PDE4D: variants seen among roughly 807,000 people sequenced by gnomAD.
The protein encoded by PDE4D is 3',5'-cyclic-AMP phosphodiesterase 4D.
In PDE4D, 24 loss-of-function variants were observed where a neutral mutation model predicts 87.4. The ratio of observed to expected loss-of-function variants is 0.27; its 90% CI spans 0.20 to 0.39. The LOEUF (loss-of-function observed/expected upper bound fraction) is 0.39. Among genes scored for constraint, PDE4D ranks in the 10% least tolerant of loss-of-function variants. PDE4D has a pLI of 1.00. For synonymous variants in PDE4D, 384 were observed against 383.2 expected (o/e 1.00, Z -0.02); for missense variants, 714 against 1,041.0 (o/e 0.69, Z 4.32).
At chr5:60,497,695 G>C (rs1583938765) in intron 1 of PDE4D, among the ~76,000 whole-genome samples, 1 of 152,048 alleles carries the variant, frequency 6.6e-6, no homozygotes. Context: ...GAGTCATGGG[G>C]CACACCAGCC....
chr5:59,417,272 G>A (rs900149598), intron 1 of PDE4D, among the ~76,000 whole-genome samples: 2 of 152,052 alleles, frequency 1.3e-5, no homozygotes, highest in Non-Finnish European at 2.9e-5. Context: ...TGCTCACACC[G>A]ATAAGGCAAA....
chr5:60,337,322 G>C (rs1354773064), intron 1 of PDE4D, among the ~76,000 whole-genome samples: 1 of 138,928 alleles, frequency 7.2e-6, no homozygotes, highest in Non-Finnish European at 1.6e-5. Context: ...AACAGAGAGA[G>C]ACTTTGTCTC....
chr5:59,193,853 G>T (rs1420693785), intron 2 of PDE4D: 3 of 898,050 alleles, frequency 3.3e-6, no homozygotes, highest in Non-Finnish European at 4.0e-6. Flanking sequence ...TTTACTTTTG[G>T]CCTCTTACTG....
At chr5:59,243,448 C>CA (rs1758097980) in intron 1 of PDE4D, among the ~76,000 whole-genome samples, 1 of 72,282 alleles carries the variant, frequency 1.4e-5, no homozygotes, top group Non-Finnish European at 2.6e-5. Flanking sequence ...TTAAAATAAC[C>CA]TTTTTTTTTT....
chr5:59,391,738 C>T (rs796194078), intron 1 of PDE4D, among the ~76,000 whole-genome samples: 2 of 152,096 alleles, frequency 1.3e-5, no homozygotes, highest in African/African-American at 4.8e-5. Context: ...CTTACTGTCC[C>T]TCCATGATGG....
Position 59,156,309 on chromosome 5 carries a change from G to GA in PDE4D, c.808+24285dup, listed in dbSNP as rs138297866. Among the ~76,000 whole-genome samples, 182 of 52,832 alleles carry GA rather than the reference G, an allele frequency of 3.4e-3. 3 individuals are homozygous for GA. The highest frequency in any genetic ancestry group is 7.9e-3 in the South Asian group (17 of 2,144). The allele number at this position is 52,832 out of a possible 152,430, so 34.7% of individuals were successfully genotyped here. A position where few individuals can be genotyped will look rare whatever the true frequency, so the allele number is the denominator to read the frequency against. On this transcript the variant is annotated intron_variant, in intron 5 of 14. Transcript: ENST00000340635. ...AAATCCCTGAACTAGAGACTTGCCA[G>GA]AAAAAAAAAAAATATATATATATGT...
rs55960957 is a variant in PDE4D at position 59,420,689 on chromosome 5, GAAA to G, written c.456-204724_456-204722del. On this transcript the variant is annotated intron_variant, in intron 1 of 14. Coordinates refer to ENST00000340635, the MANE Select transcript of PDE4D (RefSeq NM_001104631.2). ...TCATAGCCACTGGATTACTGCACAA[GAAA>G]AAAAAAAAAAAAAACAAGAAAAGAA... is the stretch of plus-strand genomic sequence containing the variant. 1.2e-3 allele frequency among the ~76,000 whole-genome samples: 146 copies of G among 122,004 alleles called. 2 individuals carry two copies. In the East Asian group the frequency reaches 0.026, roughly 22 times the overall value. 80.0% of individuals were successfully genotyped at this position (122,004 alleles called of 152,430 possible).
intron 1 of PDE4D, among the ~76,000 whole-genome samples, chr5:60,464,615 T>C (rs1747203766): frequency 6.6e-6 from 1 of 152,162 alleles, no homozygotes; most frequent in Non-Finnish European, 1.5e-5. Flanking sequence ...TCCTGTGTTA[T>C]TCCCACAGAT....
In PDE4D at chr5:59,875,460, CAAAAAAAAAAAAAAAAAAA is replaced by C. The variant is rs3062667; in HGVS notation, c.455+17689_455+17707del. On this transcript the variant is annotated intron_variant, in intron 1 of 14. Coordinates refer to ENST00000340635, the MANE Select transcript of PDE4D (RefSeq NM_001104631.2). ...TCGTGACCAAGTGAGACCTCCGTCTCAAAAAAAAAAAAAAAAAAAAAAAAAAAAAAGAAGGAATCTGTAT... is the reference window on the plus strand; with the variant it reads ...TCGTGACCAAGTGAGACCTCCGTCTCAAAAAAAAAAAGAAGGAATCTGTAT... Among the ~76,000 whole-genome samples the C allele has an allele frequency of 7.6e-5, 3 of 39,688 alleles. No individual in the cohort carries two copies. In the East Asian group the frequency reaches 6.1e-3, roughly 81 times the overall value. The allele number at this position is 39,688 out of a possible 152,430, so 26.0% of individuals were successfully genotyped here.
At chr5:60,109,127 T>C (rs1777384399) in intron 2 of PDE4D, among the ~76,000 whole-genome samples, 1 of 151,522 alleles carries the variant, frequency 6.6e-6, no homozygotes, top group Admixed American at 6.6e-5. Flanking sequence ...AAAGGGCTAA[T>C]ATCCAGAATC....
intron 1 of PDE4D, among the ~76,000 whole-genome samples, chr5:59,880,518 T>A (rs998857309): frequency 6.6e-6 from 1 of 152,208 alleles, no homozygotes; most frequent in Non-Finnish European, 1.5e-5. Flanking sequence ...GTTAAAACAA[T>A]CTCTGGGGAA....
chr5:59,285,602 C>T (rs745673975), intron 1 of PDE4D, among the ~76,000 whole-genome samples: 6 of 152,092 alleles, frequency 3.9e-5, no homozygotes, highest in African/African-American at 4.8e-5. Context: ...ACTGAACCAA[C>T]GCCAGCATCA....
rs201229923 is a variant in PDE4D, at chr5:60,081,022, GT to G, written c.43-92306del. Among the ~76,000 whole-genome samples the G allele has an allele frequency of 3.6e-3, 549 of 152,166 alleles. 3 individuals are homozygous for G. Among genetic ancestry groups the G allele is most frequent in the African/African-American group, 0.013 (532 of 41,534 alleles). On this transcript the variant is annotated intron_variant, in intron 2 of 16. Coordinates refer to the PDE4D transcript ENST00000502484. ...TCAGTCTGGTCCTAGGATTTTTTTG[GT>G]TGGTAGGCCATTAATTACTGCCTCC... is the stretch of plus-strand genomic sequence containing the variant.
At chr5:59,341,852 A>G (rs1778791676) in intron 1 of PDE4D, among the ~76,000 whole-genome samples, 1 of 152,184 alleles carries the variant, frequency 6.6e-6, no homozygotes, top group African/African-American at 2.4e-5. Context: ...AAAGAAATGT[A>G]TAGCCTATTC....
intron 1 of PDE4D, among the ~76,000 whole-genome samples, chr5:59,417,724 A>T (rs1793844488): frequency 6.6e-6 from 1 of 152,162 alleles, no homozygotes; most frequent in African/African-American, 2.4e-5. Flanking sequence ...TCCACAGCCA[A>T]CAAATCTCTA....
intron 2 of PDE4D, among the ~76,000 whole-genome samples, chr5:60,064,512 G>C (rs1771834165): frequency 6.6e-6 from 1 of 152,062 alleles, no homozygotes; most frequent in African/African-American, 2.4e-5. Context: ...GGTGCAGGCA[G>C]CACTACTTTG....
At chr5:59,733,271 A>G (rs576889530) in intron 1 of PDE4D, among the ~76,000 whole-genome samples, 78 of 152,250 alleles carry the variant, frequency 5.1e-4, no homozygotes, top group African/African-American at 1.8e-3. Flanking sequence ...AAGGGCAATG[A>G]AAGTTCAGAA....
At chr5:60,327,144 T>C (rs1206765287) in intron 1 of PDE4D, among the ~76,000 whole-genome samples, 1 of 152,136 alleles carries the variant, frequency 6.6e-6, no homozygotes, top group Non-Finnish European at 1.5e-5. Flanking sequence ...GATAGATTAA[T>C]AGGAGAAAAG....
rs567300255 is a variant in PDE4D at position 60,515,504 on chromosome 5, G to C, written n.70+6547C>G. ...TGGTTTCTTTTGGACAATCGAAAAA[G>C]AATAGTTATTAGGAAAGAGCATAAG... On this transcript the variant is annotated intron_variant and non_coding_transcript_variant, in intron 1 of 2. Transcript: ENST00000506510. Among the ~76,000 whole-genome samples, 6 of 151,792 alleles carry C rather than the reference G, an allele frequency of 4.0e-5. No homozygotes were observed. In the South Asian group the frequency reaches 1.3e-3, roughly 32 times the overall value.
Sources: gnomAD v4.1 joint callset for allele counts (sites outside exome capture counted in the v4.1 genomes callset) on GRCh38, gnomAD v4.1.1 for gene constraint, MANE v1.5 for transcripts, NCBI Gene and HGNC (gene_info 2026-07-23, HGNC 2026-07-21) for gene names.